TNKS: variants seen among roughly 807,000 people sequenced by gnomAD.
The protein encoded by TNKS is tankyrase.
A neutral mutation model predicts 135.8 loss-of-function variants in TNKS; 72 were observed. That is an observed-to-expected ratio of 0.53 (90% CI 0.44 to 0.64). TNKS has a LOEUF of 0.64. TNKS is among the 30% of genes least tolerant of loss of function. TNKS has a pLI of 0.00. For missense variants in TNKS, 1,769 were observed against 1,674.0 expected (o/e 1.06, Z -0.99); for synonymous variants, 849 against 649.3 (o/e 1.31, Z -4.68).
intron 2 of TNKS, among the ~76,000 whole-genome samples, chr8:9,601,592 C>A (rs901977776): frequency 9.2e-5 from 14 of 152,142 alleles, no homozygotes; most frequent in African/African-American, 3.4e-4. Context: ...AAGACAGCAA[C>A]ACCTGAATTT....
rs147827931 is a variant in TNKS at position 9,647,433 on chromosome 8, G to T, written c.994+31756G>T. Among the ~76,000 whole-genome samples the T allele has an allele frequency of 1.8e-3, 279 of 152,256 alleles. 1 individual carries two copies. The highest frequency in any genetic ancestry group is 6.3e-3 in the African/African-American group (263 of 41,538). On this transcript the variant is annotated intron_variant, in intron 3 of 26. Transcript: ENST00000310430. Reference sequence around the variant, plus strand: ...AATTGAATAAGATCATTTGGTTTTAGTCTAGGCCATATGCTTTTGCCACTG... The same window carrying T: ...AATTGAATAAGATCATTTGGTTTTATTCTAGGCCATATGCTTTTGCCACTG...
chr8:9,590,987 C>A (rs529102507), intron 2 of TNKS, among the ~76,000 whole-genome samples: 1 of 152,134 alleles, frequency 6.6e-6, no homozygotes, highest in Non-Finnish European at 1.5e-5. Context: ...CATTGTCGAA[C>A]CCTAGATCAT....
rs2128848185 is a variant in TNKS at position 9,781,813 on chromosome 8, TTTTTA to T, written c.*5082_*5086del. The T allele has an allele frequency of 6.5e-6, 1 of 152,728 alleles. No homozygotes were observed. The highest frequency in any genetic ancestry group is 2.4e-5 in the African/African-American group (1 of 41,578). 9.5% of individuals were successfully genotyped at this position (152,728 alleles called of 1,614,324 possible). The stretch of plus-strand genomic sequence containing the variant: ...ACTCTTTGGTTCATTATTCGTGTTG[TTTTTA>T]TTTTTAGTCTCTGTGTGACCCAACA... On this transcript the variant is annotated 3_prime_UTR_variant, in exon 27 of 27. Coordinates refer to ENST00000310430, the MANE Select transcript of TNKS (RefSeq NM_003747.3).
chr8:9,716,529 A>C (rs1804607351), intron 11 of TNKS, among the ~76,000 whole-genome samples: 1 of 152,180 alleles, frequency 6.6e-6, no homozygotes, highest in South Asian at 2.1e-4. Flanking sequence ...TGTGTTTATT[A>C]CTTCTGTGAG....
At chr8:9,734,381 G>A (rs777490674) in intron 15 of TNKS, among the ~76,000 whole-genome samples, 2 of 152,058 alleles carry the variant, frequency 1.3e-5, no homozygotes, top group Non-Finnish European at 2.9e-5. Context: ...TAGATGTTAA[G>A]ACTTAGGATA....
intron 1 of TNKS, among the ~76,000 whole-genome samples, chr8:9,564,863 A>C (rs1797465049): frequency 6.6e-6 from 1 of 152,218 alleles, no homozygotes; most frequent in Non-Finnish European, 1.5e-5. Flanking sequence ...AAACCAATGA[A>C]ACATACACGA....
At chr8:9,725,708 C>A (rs1159784605) in intron 12 of TNKS, among the ~76,000 whole-genome samples, 1 of 152,210 alleles carries the variant, frequency 6.6e-6, no homozygotes, top group African/African-American at 2.4e-5. Flanking sequence ...TCCTGGAGAT[C>A]CATCCTTTTG....
chr8:9,681,082 G>T (rs889070974), intron 5 of TNKS: 1 of 262,118 alleles, frequency 3.8e-6, no homozygotes. Context: ...TACAGCATAT[G>T]CTCTTTTCTG....
chr8:9,560,209 G>A (rs1371057833), intron 1 of TNKS, among the ~76,000 whole-genome samples: 1 of 152,056 alleles, frequency 6.6e-6, no homozygotes, highest in Admixed American at 6.5e-5. Context: ...TTATAGAAAA[G>A]TTTAAATGAG....
intron 3 of TNKS, among the ~76,000 whole-genome samples, chr8:9,640,682 G>C (rs545718869): frequency 6.9e-6 from 1 of 145,928 alleles, no homozygotes; most frequent in African/African-American, 2.5e-5. Context: ...AAAGAAAATA[G>C]CACCTAATGT....
At chr8:9,629,631 G>A (rs1800206041) in intron 3 of TNKS, among the ~76,000 whole-genome samples, 1 of 152,110 alleles carries the variant, frequency 6.6e-6, no homozygotes, top group Non-Finnish European at 1.5e-5. Context: ...TGTTTGAAAT[G>A]TTCTTTTCCT....
chr8:9,657,344 A>T (rs1265548617), intron 3 of TNKS, among the ~76,000 whole-genome samples: 1 of 69,642 alleles, frequency 1.4e-5, no homozygotes, highest in African/African-American at 5.3e-5. Flanking sequence ...GGCCGGGCAG[A>T]GGGGCTCCTC....
rs1438952286 is a variant in TNKS at position 9,556,186 on chromosome 8, C to A, written c.247C>A (p.Pro83Thr). 1.2e-6 allele frequency: 2 copies of A among 1,613,056 alleles called. No individual in the cohort carries two copies. Among genetic ancestry groups the A allele is most frequent in the Non-Finnish European group, 1.7e-6 (2 of 1,179,396 alleles). The part of the protein sequence containing the change: ...DPPDRPRSPD[P>T]VDGTSCCSTT... ...GCCCGACAGGCCCCGATCCCCGGAC[C>A]CGGTTGACGGTACCAGCTGTTGCAG... is the stretch of plus-strand genomic sequence containing the variant. Residue 83 changes from proline to threonine, a missense_variant, in exon 1 of 27, where the codon CCG (proline) becomes ACG (threonine). Pro to Thr is a conservative substitution (Grantham distance 38). This residue lies in a region of TNKS where 450 missense variants were observed against 304.9 expected (regional missense o/e 1.48). Transcript: ENST00000310430.
intron 3 of TNKS, among the ~76,000 whole-genome samples, chr8:9,636,058 G>A (rs78793307): frequency 0.075 from 11,441 of 152,150 alleles, 464 homozygotes; most frequent in South Asian, 0.17. Context: ...TAAAAAATAG[G>A]CACTGAAGTA....
chr8:9,571,158 T>C (rs1026189361), intron 1 of TNKS, among the ~76,000 whole-genome samples: 1 of 152,180 alleles, frequency 6.6e-6, no homozygotes, highest in African/African-American at 2.4e-5. Context: ...AAATTCTATG[T>C]TGAATTTAAG....
At chr8:9,613,456 TCTC>T (rs975290229) in intron 2 of TNKS, among the ~76,000 whole-genome samples, 18 of 152,318 alleles carry the variant, frequency 1.2e-4, no homozygotes, top group African/African-American at 3.6e-4. Flanking sequence ...TTAGATACCT[TCTC>T]CTAAAAGTCT....
chr8:9,680,432 T>C (rs1284171052), intron 4 of TNKS, among the ~76,000 whole-genome samples: 1 of 152,206 alleles, frequency 6.6e-6, no homozygotes, highest in Non-Finnish European at 1.5e-5. Flanking sequence ...TCCAACGTTT[T>C]AGTCTATTTA....
intron 2 of TNKS, among the ~76,000 whole-genome samples, chr8:9,610,095 G>T (rs1185120556): frequency 6.6e-6 from 1 of 152,112 alleles, no homozygotes; most frequent in Non-Finnish European, 1.5e-5. Flanking sequence ...CTGACTTCGT[G>T]ATATGCTCAC....
At chr8:9,593,707 A>C (rs544799266) in intron 2 of TNKS, among the ~76,000 whole-genome samples, 1 of 152,134 alleles carries the variant, frequency 6.6e-6, no homozygotes, top group East Asian at 1.9e-4. Flanking sequence ...CCTTTTACAA[A>C]GTCTTTTAGT....
Sources: allele counts gnomAD v4.1 joint callset (sites outside exome capture counted in the v4.1 genomes callset), GRCh38; gene constraint gnomAD v4.1.1; regional missense constraint gnomAD v4.1.1; transcripts MANE v1.5; gene names NCBI Gene and HGNC (gene_info 2026-07-23, HGNC 2026-07-21).